Variants in SUGCT observed in about 807,000 individuals in gnomAD.
SUGCT encodes succinyl-CoA:glutarate CoA-transferase.
SUGCT carries 41 observed loss-of-function variants against 55.0 expected under a neutral mutation model. The ratio of observed to expected loss-of-function variants is 0.74; its 90% CI spans 0.58 to 0.97. The LOEUF (loss-of-function observed/expected upper bound fraction) is 0.97. SUGCT is among the 50% of genes least tolerant of loss of function. The probability of loss-of-function intolerance (pLI) is 0.00; values close to 1 mark genes in which losing one functional copy is unlikely to be tolerated. For missense variants in SUGCT, 568 were observed against 547.8 expected (o/e 1.04, Z -0.37); for synonymous variants, 187 against 200.4 (o/e 0.93, Z 0.56).
chr7:40,272,641 G>GTATTAT (rs1023951710), intron 7 of SUGCT, among the ~76,000 whole-genome samples: 13 of 143,944 alleles, frequency 9.0e-5, no homozygotes, highest in African/African-American at 2.8e-4. Flanking sequence ...GGATCATATG[G>GTATTAT]TATTATTATT....
intron 12 of SUGCT, among the ~76,000 whole-genome samples, chr7:40,549,589 G>A (rs192173323): frequency 1.3e-5 from 2 of 152,164 alleles, no homozygotes; most frequent in Admixed American, 6.5e-5. Context: ...GCATAATGTG[G>A]TCGGAACATA....
At chr7:40,221,775 A>G (rs1306855735) in intron 6 of SUGCT, among the ~76,000 whole-genome samples, 1 of 152,116 alleles carries the variant, frequency 6.6e-6, no homozygotes, top group Non-Finnish European at 1.5e-5. Flanking sequence ...ATAGGCCTGA[A>G]CCACTGCATT....
At chr7:40,612,991 G>C (rs1798833391) in intron 12 of SUGCT, among the ~76,000 whole-genome samples, 1 of 152,050 alleles carries the variant, frequency 6.6e-6, no homozygotes, top group Admixed American at 6.6e-5. Context: ...AAATTAGCTG[G>C]GCATGATGGG....
At chr7:40,186,834 G>C (rs1427382850) in intron 3 of SUGCT, among the ~76,000 whole-genome samples, 1 of 152,192 alleles carries the variant, frequency 6.6e-6, no homozygotes, top group Admixed American at 6.6e-5. Context: ...GCACAGAGCA[G>C]TGTCTGTGAC....
chr7:40,646,865 TAGTA>T (rs1800542888), intron 12 of SUGCT, among the ~76,000 whole-genome samples: 1 of 152,210 alleles, frequency 6.6e-6, no homozygotes. Flanking sequence ...GTTCAGCATC[TAGTA>T]AGTACAGGGC....
At chr7:40,329,478 A>T (rs1796192947) in intron 9 of SUGCT, among the ~76,000 whole-genome samples, 1 of 152,168 alleles carries the variant, frequency 6.6e-6, no homozygotes, top group Non-Finnish European at 1.5e-5. Context: ...ATACAGAATT[A>T]TATTAATAAT....
At chr7:40,876,482 A>G in the SUGCT span, among the ~76,000 whole-genome samples, 1 of 152,212 alleles carries the variant, frequency 6.6e-6, no homozygotes, top group Non-Finnish European at 1.5e-5. Flanking sequence ...CAGGCTGGGC[A>G]TATTGAAGTT....
At chr7:40,955,756 G>T in the SUGCT span, among the ~76,000 whole-genome samples, 1 of 152,160 alleles carries the variant, frequency 6.6e-6, no homozygotes, top group African/African-American at 2.4e-5. Flanking sequence ...GTATGATATT[G>T]GCTGTGGGTT....
chr7:40,527,643 A>G (rs1389038845), intron 12 of SUGCT, among the ~76,000 whole-genome samples: 1 of 152,216 alleles, frequency 6.6e-6, no homozygotes, highest in Non-Finnish European at 1.5e-5. Flanking sequence ...TATGCCATTC[A>G]TGAGGGTATG....
rs559089582 is a variant in SUGCT, at chr7:40,408,635, C to A, written c.817-40652C>A. 7.2e-5 allele frequency among the ~76,000 whole-genome samples: 11 copies of A among 152,218 alleles called. No individual in the cohort carries two copies. The South Asian group carries it at 2.1e-3, about 29-fold the overall frequency. On this transcript the variant is annotated intron_variant, in intron 9 of 13. Coordinates refer to ENST00000335693, the MANE Select transcript of SUGCT (RefSeq NM_001193313.2). ...AAAAACTTTTTTTCTTTTCTAATTA[C>A]AACTTCCATTGAACCCATACTATTA...
intron 13 of SUGCT, among the ~76,000 whole-genome samples, chr7:40,802,693 C>G (rs1203574): frequency 0.98 from 149,397 of 152,286 alleles, 73,295 homozygotes; most frequent in East Asian, 1. Flanking sequence ...TTTAACTTAC[C>G]CAACCTAAAA....
intron 13 of SUGCT, among the ~76,000 whole-genome samples, chr7:40,839,027 C>T (rs1166032183): frequency 7.0e-6 from 1 of 142,708 alleles, no homozygotes; most frequent in Non-Finnish European, 1.5e-5. Flanking sequence ...CATGATTTTT[C>T]TCCTTTAGCC....
the SUGCT span, among the ~76,000 whole-genome samples, chr7:40,884,880 A>G: frequency 6.6e-6 from 1 of 152,140 alleles, no homozygotes; most frequent in Non-Finnish European, 1.5e-5. Flanking sequence ...CCCAAAGGGA[A>G]TCTTTCATCT....
chr7:40,961,366 G>T, the SUGCT span, among the ~76,000 whole-genome samples: 1 of 152,088 alleles, frequency 6.6e-6, no homozygotes, highest in African/African-American at 2.4e-5. Context: ...CATTAAGTTA[G>T]CAAGGGAGTG....
intron 13 of SUGCT, chr7:40,775,665 A>G (rs935505893): frequency 6.6e-6 from 1 of 152,200 alleles, no homozygotes; most frequent in Admixed American, 6.5e-5. Flanking sequence ...TGCCTTTTAG[A>G]GCACAAACCC....
At chr7:40,623,720 A>G (rs1407493856) in intron 12 of SUGCT, among the ~76,000 whole-genome samples, 3 of 152,098 alleles carry the variant, frequency 2.0e-5, no homozygotes, top group Admixed American at 1.3e-4. Context: ...ACGCACATGC[A>G]CTCATACACA....
intron 9 of SUGCT, among the ~76,000 whole-genome samples, chr7:40,422,358 T>C (rs1309258706): frequency 6.6e-6 from 1 of 152,190 alleles, no homozygotes; most frequent in Non-Finnish European, 1.5e-5. Flanking sequence ...ATATATATTA[T>C]TTCATTTAAT....
chr7:40,519,221 A>G (rs1793402359), intron 12 of SUGCT, among the ~76,000 whole-genome samples: 1 of 152,158 alleles, frequency 6.6e-6, no homozygotes, highest in Admixed American at 6.6e-5. Context: ...AGACTGAGTA[A>G]CTGTCCTAGA....
At chr7:40,717,033 C>A (rs1452471235) in intron 12 of SUGCT, among the ~76,000 whole-genome samples, 1 of 152,054 alleles carries the variant, frequency 6.6e-6, no homozygotes, top group Non-Finnish European at 1.5e-5. Flanking sequence ...CTGCTCACCT[C>A]TACTGGGAAT....
Sources: allele counts gnomAD v4.1 joint callset (sites outside exome capture counted in the v4.1 genomes callset), GRCh38; gene constraint gnomAD v4.1.1; transcripts MANE v1.5; gene names NCBI Gene and HGNC (gene_info 2026-07-23, HGNC 2026-07-21).